The following C5AR1 variants were observed in gnomAD, a reference collection of about 807,000 sequenced individuals.
The protein encoded by C5AR1 is complement C5a receptor 1.
In C5AR1, 4 loss-of-function variants were observed where a neutral mutation model predicts 2.4. That is an observed-to-expected ratio of 1.65 (90% CI 0.81 to 3.77). The LOEUF is 3.77. Among genes scored for constraint, C5AR1 ranks in the 30% most tolerant of loss-of-function variants. The probability of loss-of-function intolerance (pLI) is 0.01; values close to 1 mark genes in which losing one functional copy is unlikely to be tolerated. For missense variants in C5AR1, 418 were observed against 462.5 expected (o/e 0.90, Z 0.88); for synonymous variants, 209 against 210.4 (o/e 0.99, Z 0.06).
intron 1 of C5AR1, among the ~76,000 whole-genome samples, chr19:47,310,254 C>T (rs1175930309): frequency 6.6e-6 from 1 of 152,126 alleles, no homozygotes; most frequent in Non-Finnish European, 1.5e-5. Context: ...CACCTGTGAT[C>T]CCAGCACATT....
At chr19:47,311,586 CAG>C (rs1350894071) in intron 1 of C5AR1, among the ~76,000 whole-genome samples, 2 of 152,034 alleles carry the variant, frequency 1.3e-5, no homozygotes, top group African/African-American at 2.4e-5. Context: ...TATTTTGAGA[CAG>C]AGTTTCACTC....
chr19:47,318,617 C>T (rs1368771342), intron 1 of C5AR1, among the ~76,000 whole-genome samples: 2 of 152,000 alleles, frequency 1.3e-5, no homozygotes, highest in East Asian at 3.9e-4. Context: ...TTAACAGAAC[C>T]TCCTTGTAGG....
At chr19:47,317,211 A>AAAAAAAAAAAAAG (rs1568660788) in intron 1 of C5AR1, among the ~76,000 whole-genome samples, 1 of 142,858 alleles carries the variant, frequency 7.0e-6, no homozygotes, top group Non-Finnish European at 1.5e-5. Flanking sequence ...AAAAAAAAAA[A>AAAAAAAAAAAAAG]AAATATAAAA....
upstream of C5AR1, among the ~76,000 whole-genome samples, chr19:47,309,450 G>A (rs1464089277): frequency 2.0e-5 from 3 of 151,742 alleles, no homozygotes; most frequent in Non-Finnish European, 4.4e-5. Flanking sequence ...TGACACACAC[G>A]TGTAATCCCA....
upstream of C5AR1, among the ~76,000 whole-genome samples, chr19:47,308,557 C>CTT (rs58683135): frequency 3.5e-5 from 5 of 143,568 alleles, no homozygotes; most frequent in Non-Finnish European, 6.2e-5. Context: ...TTTTTCTTTT[C>CTT]TTTTTTTTTT....
At chr19:47,309,965 G>GGTCCTTCTCTCTCCC in intron 1 of C5AR1, 67 bp downstream of exon 1, 1 of 1,541,318 alleles carries the variant, frequency 6.5e-7, no homozygotes, top group Non-Finnish European at 8.9e-7. Context: ...TGCTCCAGTG[G>GGTCCTTCTCTCTCCC]GTCCTTCTCT....
rs764241531 is a variant in C5AR1, at chr19:47,319,969, C to T, written c.192C>T (p.Phe64=). The change falls in exon 2 of 2, where the codon TTC becomes TTT. Residue 64 remains phenylalanine, a synonymous_variant. Transcript: ENST00000355085. ...CCCTGGTGGTCTGGGTGACGGCATT[C>T]GAGGCCAAGCGGACCATCAATGCCA... ...GNALVVWVTA[F]EAKRTINAIW... is the part of the protein sequence containing the mutation. The T allele has an allele frequency of 1.7e-5, 27 of 1,614,118 alleles. No individual in the cohort carries two copies. Among genetic ancestry groups the T allele is most frequent in the Middle Eastern group, 1.6e-4 (1 of 6,084 alleles).
rs202195217 is a variant in C5AR1 at position 47,321,980 on chromosome 19, A to G, written c.*1150A>G. On this transcript the variant is annotated 3_prime_UTR_variant, in exon 2 of 2. Coordinates refer to ENST00000355085, the MANE Select transcript of C5AR1 (RefSeq NM_001736.4). ...GTTGTCATTTCAAGAATGTTATTCA[A>G]TGGAATCATATAGTATGTAACCTGT... 1 of 152,314 alleles carries G rather than the reference A, an allele frequency of 6.6e-6. No individual in the cohort carries two copies. Among genetic ancestry groups the G allele is most frequent in the Non-Finnish European group, 1.5e-5 (1 of 68,036 alleles). The allele number at this position is 152,314 out of a possible 1,614,324, so 9.4% of individuals were successfully genotyped here.
At chr19:47,315,121 A>T (rs2059282230) in intron 1 of C5AR1, among the ~76,000 whole-genome samples, 1 of 151,810 alleles carries the variant, frequency 6.6e-6, no homozygotes, top group South Asian at 2.1e-4. Flanking sequence ...GGGCTCAAGC[A>T]ATCCCCCTGC....
At chr19:47,309,941 G>T in intron 1 of C5AR1, 43 bp downstream of exon 1, 1 of 1,605,136 alleles carries the variant, frequency 6.2e-7, no homozygotes, top group Non-Finnish European at 8.5e-7. Context: ...TTTGTCCTGG[G>T]TCCCTCCCAT....
chr19:47,309,777 TG>T, upstream of C5AR1: 1 of 1,125,052 alleles, frequency 8.9e-7, no homozygotes. Context: ...TGCAGACCAA[TG>T]AGAGCCCCAG....
chr19:47,320,112 T>C lies in C5AR1; in HGVS notation c.335T>C (p.Leu112Pro). 1 of 1,614,206 alleles carries C rather than the reference T, an allele frequency of 6.2e-7. No homozygotes were observed. The highest frequency in any genetic ancestry group is 8.5e-7 in the Non-Finnish European group (1 of 1,180,038). The part of the protein sequence containing the change: ...WPFGGAACSI[L>P]PSLILLNMYA... ...TTTGGCGGGGCCGCCTGCAGCATCC[T>C]GCCCTCCCTCATCCTGCTCAACATG... Residue 112 changes from leucine (L) to proline (P), a missense_variant, in exon 2 of 2, where the codon CTG becomes CCG. Physicochemically the swap from Leu to Pro is moderately conservative, Grantham distance 98 (BLOSUM62 -3). Coordinates refer to ENST00000355085, the MANE Select transcript of C5AR1 (RefSeq NM_001736.4). The surrounding 1 kb of genome is among the most constrained non-coding windows in gnomAD (Gnocchi z 4.9).
intron 1 of C5AR1, among the ~76,000 whole-genome samples, chr19:47,312,510 A>G (rs910064123): frequency 2.6e-5 from 4 of 152,244 alleles, no homozygotes; most frequent in African/African-American, 9.6e-5. Context: ...TTGGCGCTCA[A>G]TGTGGGTGAC....
At position 47,319,812 on chromosome 19, in the gene C5AR1, G is replaced by T. The variant is rs1446132544; in HGVS notation, c.35G>T (p.Gly12Val). ...DSFNYTTPDY[G>V]HYDDKDTLDL... ...TTCAATTATACCACCCCTGATTATGGGCACTATGATGACAAGGATACCCTG... is the reference window on the plus strand; with the variant it reads ...TTCAATTATACCACCCCTGATTATGTGCACTATGATGACAAGGATACCCTG... Residue 12 changes from glycine to valine, a missense_variant, in exon 2 of 2, where the codon GGG (glycine) becomes GTG (valine). Transcript: ENST00000355085. The T allele has an allele frequency of 6.2e-7, 1 of 1,612,794 alleles. No individual in the cohort carries two copies. The highest frequency in any genetic ancestry group is 8.5e-7 in the Non-Finnish European group (1 of 1,179,036).
chr19:47,320,494 G>T lies in C5AR1; in HGVS notation c.717G>T (p.Lys239Asn). ...GCCGCAGGGCCACGCGGTCCACCAAGACACTCAAGGTGGTGGTGGCAGTGG... is the reference window on the plus strand; with the variant it reads ...GCCGCAGGGCCACGCGGTCCACCAATACACTCAAGGTGGTGGTGGCAGTGG... ...TWSRRATRST[K>N]TLKVVVAVVA... Residue 239 changes from lysine to asparagine, a missense_variant, in exon 2 of 2, where the codon AAG (lysine) becomes AAT (asparagine). Coordinates refer to ENST00000355085, the MANE Select transcript of C5AR1 (RefSeq NM_001736.4). The surrounding 1 kb of genome is among the most constrained non-coding windows in gnomAD (Gnocchi z 4.9). 6.2e-7 allele frequency: 1 copy of T among 1,613,916 alleles called. No individual in the cohort carries two copies. The highest frequency in any genetic ancestry group is 1.1e-5 in the South Asian group (1 of 91,080).
Position 47,320,691 on chromosome 19 carries a change from A to G in C5AR1, c.914A>G (p.Gln305Arg), listed in dbSNP as rs2059307222. 1 of 1,613,994 alleles carries G rather than the reference A, an allele frequency of 6.2e-7. No individual in the cohort carries two copies. The highest frequency in any genetic ancestry group is 1.7e-5 in the Admixed American group (1 of 59,984). ...CCCATCATCTACGTGGTGGCCGGCC[A>G]GGGCTTCCAGGGCCGACTGCGGAAA... ...INPIIYVVAG[Q>R]GFQGRLRKSL... The change falls in exon 2 of 2, where the codon CAG becomes CGG. Residue 305 changes from glutamine to arginine, a missense_variant. Coordinates refer to ENST00000355085, the MANE Select transcript of C5AR1 (RefSeq NM_001736.4). The surrounding 1 kb of genome is among the most constrained non-coding windows in gnomAD (Gnocchi z 4.9).
At position 47,309,869 on chromosome 19, in the gene C5AR1, T is replaced by TC; in HGVS notation, c.-25dup. 1 of 1,612,044 alleles carries TC rather than the reference T, an allele frequency of 6.2e-7. No homozygotes were observed. On this transcript the variant is annotated 5_prime_UTR_variant, in exon 1 of 2. Transcript: ENST00000355085. ...GCCCTTGGGCAGGAGGGACCTTCGA[T>TC]CCTCGGGGAGCCCAGGAGACCAGAA...
intron 1 of C5AR1, among the ~76,000 whole-genome samples, chr19:47,313,366 C>T (rs953666660): frequency 2.6e-5 from 4 of 152,096 alleles, no homozygotes; most frequent in Admixed American, 6.6e-5. Context: ...TTCTGCTGTG[C>T]ACCACCTGCC....
upstream of C5AR1, among the ~76,000 whole-genome samples, chr19:47,309,465 C>T (rs1192656159): frequency 6.6e-6 from 1 of 151,390 alleles, no homozygotes; most frequent in Non-Finnish European, 1.5e-5. Context: ...ATCCCAGCTA[C>T]TCGGGAGGCT....
Sources: allele counts gnomAD v4.1 joint callset (sites outside exome capture counted in the v4.1 genomes callset), GRCh38; gene constraint gnomAD v4.1.1; non-coding constraint Gnocchi (gnomAD v3.1); transcripts MANE v1.5; gene names NCBI Gene and HGNC (gene_info 2026-07-23, HGNC 2026-07-21).